SH3RF3: variants seen among roughly 807,000 people sequenced by gnomAD.
SH3RF3 encodes E3 ubiquitin-protein ligase SH3RF3.
A neutral mutation model predicts 66.3 loss-of-function variants in SH3RF3; 29 were observed. The ratio of observed to expected loss-of-function variants is 0.44; its 90% CI spans 0.33 to 0.60. The LOEUF (loss-of-function observed/expected upper bound fraction) is 0.60. Among genes scored for constraint, SH3RF3 ranks in the 20% least tolerant of loss-of-function variants. The pLI is 0.04. For missense variants in SH3RF3, 1,194 were observed against 1,190.9 expected, an observed-to-expected ratio of 1.00 and a Z score of -0.04; for synonymous variants, 583 against 532.0, an observed-to-expected ratio of 1.10 and a Z score of -1.32.
intron 3 of SH3RF3, among the ~76,000 whole-genome samples, chr2:109,394,625 A>G (rs760532508): frequency 6.6e-6 from 1 of 152,240 alleles, no homozygotes. Context: ...AAAAAACATG[A>G]AAAGTTTAGT....
intron 1 of SH3RF3, among the ~76,000 whole-genome samples, chr2:109,204,532 GTGTGCAA>G (rs943128597): frequency 6.6e-6 from 1 of 151,988 alleles, no homozygotes; most frequent in African/African-American, 2.4e-5. Flanking sequence ...ACATATATTT[GTGTGCAA>G]TGTACAATGT....
chr2:109,203,629 G>T (rs1345903910), intron 1 of SH3RF3, among the ~76,000 whole-genome samples: 1 of 152,074 alleles, frequency 6.6e-6, no homozygotes, highest in African/African-American at 2.4e-5. Context: ...AAGCATCGTG[G>T]CCCTGTCTCT....
intron 2 of SH3RF3, among the ~76,000 whole-genome samples, chr2:109,361,689 T>C (rs777939213): frequency 5.9e-5 from 9 of 152,200 alleles, no homozygotes; most frequent in Non-Finnish European, 1.0e-4. Flanking sequence ...TTGGTCAGGC[T>C]GGTCTTGAAC....
intron 8 of SH3RF3, among the ~76,000 whole-genome samples, chr2:109,453,147 C>T (rs1677936216): frequency 6.6e-6 from 1 of 152,148 alleles, no homozygotes; most frequent in Non-Finnish European, 1.5e-5. Context: ...AGTTCTTTCT[C>T]CAGACCCATT....
At chr2:109,414,428 T>A (rs902809634) in intron 4 of SH3RF3, among the ~76,000 whole-genome samples, 2 of 152,132 alleles carry the variant, frequency 1.3e-5, no homozygotes, top group Non-Finnish European at 2.9e-5. Context: ...TTTCAGTTTT[T>A]TCAGGCAGGA....
chr2:109,387,857 T>TTG (rs1675866018), intron 3 of SH3RF3, among the ~76,000 whole-genome samples: 1 of 134,022 alleles, frequency 7.5e-6, no homozygotes, highest in African/African-American at 3.7e-5. Flanking sequence ...CCCCAGATGG[T>TTG]TGGGGGGGGG....
intron 1 of SH3RF3, among the ~76,000 whole-genome samples, chr2:109,223,330 GC>G (rs1468936507): frequency 1.3e-5 from 2 of 152,230 alleles, no homozygotes; most frequent in Non-Finnish European, 2.9e-5. Flanking sequence ...GTTTCCCAGA[GC>G]CGACAGAGCC....
At chr2:109,402,937 G>A (rs1676353548) in intron 4 of SH3RF3, among the ~76,000 whole-genome samples, 1 of 152,202 alleles carries the variant, frequency 6.6e-6, no homozygotes. Flanking sequence ...CTGGAGTGGA[G>A]ATGGGCTGCT....
At chr2:109,303,760 A>C (rs1681527902) in intron 1 of SH3RF3, among the ~76,000 whole-genome samples, 1 of 152,218 alleles carries the variant, frequency 6.6e-6, no homozygotes, top group Non-Finnish European at 1.5e-5. Flanking sequence ...TATTTTACAT[A>C]CTTAATTTCT....
chr2:109,409,944 G>A (rs1676543213), intron 4 of SH3RF3, among the ~76,000 whole-genome samples: 1 of 152,140 alleles, frequency 6.6e-6, no homozygotes, highest in Admixed American at 6.5e-5. Flanking sequence ...ACATTTAAAT[G>A]AGGAGATGTT....
At chr2:109,477,634 G>A (rs1308217704) in intron 8 of SH3RF3, among the ~76,000 whole-genome samples, 1 of 152,168 alleles carries the variant, frequency 6.6e-6, no homozygotes, top group East Asian at 1.9e-4. Context: ...GTGTGTGTGT[G>A]TGTGTGTGTT....
chr2:109,181,698 C>T (rs1678078973), intron 1 of SH3RF3, among the ~76,000 whole-genome samples: 1 of 152,208 alleles, frequency 6.6e-6, no homozygotes, highest in African/African-American at 2.4e-5. Context: ...TTCCTATTCT[C>T]TGAGTCTACT....
chr2:109,287,874 T>A (rs1327431816), intron 1 of SH3RF3, among the ~76,000 whole-genome samples: 4 of 152,242 alleles, frequency 2.6e-5, no homozygotes, highest in African/African-American at 9.6e-5. Flanking sequence ...ATAGTTTTTC[T>A]TTTGCTAACT....
intron 5 of SH3RF3, among the ~76,000 whole-genome samples, chr2:109,420,538 C>G (rs185041150): frequency 2.6e-5 from 4 of 152,246 alleles, no homozygotes; most frequent in Non-Finnish European, 2.9e-5. Context: ...CTCCGCCCCC[C>G]AGGTTCACGC....
intron 1 of SH3RF3, among the ~76,000 whole-genome samples, chr2:109,202,093 C>G (rs1158764558): frequency 6.6e-6 from 1 of 152,224 alleles, no homozygotes; most frequent in Non-Finnish European, 1.5e-5. Flanking sequence ...ACAGCCTCCC[C>G]TCGAGGCGAT....
chr2:109,300,046 G>A (rs1217049828), intron 1 of SH3RF3, among the ~76,000 whole-genome samples: 1 of 152,120 alleles, frequency 6.6e-6, no homozygotes, highest in Non-Finnish European at 1.5e-5. Context: ...TCACTGCATG[G>A]GTGAGTGAAT....
chr2:109,135,545 TC>T (rs1676796154), intron 1 of SH3RF3, among the ~76,000 whole-genome samples: 1 of 152,222 alleles, frequency 6.6e-6, no homozygotes, highest in Non-Finnish European at 1.5e-5. Context: ...ACGAAAATCT[TC>T]AAGTCTCTTA....
At chr2:109,266,276 T>C (rs1320303844) in intron 1 of SH3RF3, among the ~76,000 whole-genome samples, 4 of 151,430 alleles carry the variant, frequency 2.6e-5, no homozygotes, top group Non-Finnish European at 4.4e-5. Flanking sequence ...GCATGTGTTA[T>C]TTGCATGTTT....
At chr2:109,300,900 G>T (rs1214414599) in intron 1 of SH3RF3, among the ~76,000 whole-genome samples, 1 of 152,184 alleles carries the variant, frequency 6.6e-6, no homozygotes, top group South Asian at 2.1e-4. Flanking sequence ...TGCTTTGGAG[G>T]CAGCTGGGCC....
Sources: gnomAD v4.1 joint callset for allele counts (sites outside exome capture counted in the v4.1 genomes callset) on GRCh38, gnomAD v4.1.1 for gene constraint, MANE v1.5 for transcripts, NCBI Gene and HGNC (gene_info 2026-07-23, HGNC 2026-07-21) for gene names.